The following SYNPR variants were observed in gnomAD, a reference collection of about 807,000 sequenced individuals.
SYNPR encodes the protein synaptoporin.
A neutral mutation model predicts 32.9 loss-of-function variants in SYNPR; 23 were observed. The observed-to-expected ratio is 0.70, with a 90% confidence interval of 0.50 to 0.99. The LOEUF (loss-of-function observed/expected upper bound fraction) is 0.99. Among genes scored for constraint, SYNPR ranks in the 50% least tolerant of loss-of-function variants. The probability of loss-of-function intolerance (pLI) is 0.00; values close to 1 mark genes in which losing one functional copy is unlikely to be tolerated. For synonymous variants in SYNPR, 146 were observed against 135.9 expected (o/e 1.07, Z -0.52); for missense variants, 318 against 349.3 (o/e 0.91, Z 0.71).
intron 4 of SYNPR, among the ~76,000 whole-genome samples, chr3:63,607,910 T>C (rs1700146850): frequency 6.6e-6 from 1 of 152,136 alleles, no homozygotes; most frequent in African/African-American, 2.4e-5. Context: ...GCAAGTCAGA[T>C]GCACTATGCC....
chr3:63,280,815 A>G (rs1251747255), intron 2 of SYNPR, among the ~76,000 whole-genome samples: 3 of 152,142 alleles, frequency 2.0e-5, no homozygotes, highest in African/African-American at 7.2e-5. Flanking sequence ...CTACATTTAA[A>G]TTATTTGCAG....
In SYNPR at chr3:63,563,333, G is replaced by A. The variant is rs79113986; in HGVS notation, c.408+6592G>A. Reference sequence around the variant, plus strand: ...TTCCCCAAACAAAATAAGGTTTCTTGTTTTGAACTACAGGCTGGGGCCATC... The same window carrying A: ...TTCCCCAAACAAAATAAGGTTTCTTATTTTGAACTACAGGCTGGGGCCATC... On this transcript the variant is annotated intron_variant, in intron 4 of 5. Transcript: ENST00000478300. Among the ~76,000 whole-genome samples the A allele has an allele frequency of 3.1e-3, 468 of 152,292 alleles. 1 individual carries two copies. The highest frequency in any genetic ancestry group is 5.0e-3 in the Non-Finnish European group (340 of 68,008).
chr3:63,572,002 C>T (rs1226754769), intron 4 of SYNPR, among the ~76,000 whole-genome samples: 1 of 152,146 alleles, frequency 6.6e-6, no homozygotes, highest in South Asian at 2.1e-4. Context: ...TCAGTAAGTG[C>T]TTATCAAAGG....
chr3:63,607,524 A>G (rs943523589), intron 4 of SYNPR, among the ~76,000 whole-genome samples: 6 of 152,338 alleles, frequency 3.9e-5, no homozygotes, highest in Non-Finnish European at 7.4e-5. Flanking sequence ...GGACATTTAA[A>G]AACCAAGGTG....
chr3:63,607,142 C>T (rs6806549), intron 4 of SYNPR, among the ~76,000 whole-genome samples: 6,549 of 152,016 alleles, frequency 0.043, 328 homozygotes, highest in African/African-American at 0.12. Flanking sequence ...TAATGAAAAC[C>T]ATCATACTAT....
At chr3:63,463,001 A>G (rs1253737607) in intron 2 of SYNPR, among the ~76,000 whole-genome samples, 2 of 152,180 alleles carry the variant, frequency 1.3e-5, no homozygotes, top group Admixed American at 6.5e-5. Context: ...CAGATGCACA[A>G]TTCAGCTGCC....
chr3:63,606,413 C>CTTTCTTTTT (rs1700120434), intron 4 of SYNPR, among the ~76,000 whole-genome samples: 1 of 63,458 alleles, frequency 1.6e-5, no homozygotes, highest in Non-Finnish European at 3.8e-5. Context: ...ACCTCAAATC[C>CTTTCTTTTT]TTTCTTTTTT....
chr3:63,384,834 T>C (rs911060876), intron 2 of SYNPR, among the ~76,000 whole-genome samples: 2 of 152,216 alleles, frequency 1.3e-5, no homozygotes, highest in African/African-American at 4.8e-5. Context: ...GATGTAGAGA[T>C]GTTACATAAC....
chr3:63,526,300 C>A (rs1702011527), intron 3 of SYNPR, among the ~76,000 whole-genome samples: 1 of 152,164 alleles, frequency 6.6e-6, no homozygotes, highest in African/African-American at 2.4e-5. Context: ...GCTGGAGTTG[C>A]CTAAGTATTC....
At position 63,463,538 on chromosome 3, in the gene SYNPR, A is replaced by G. The variant is rs115463468; in HGVS notation, c.85-17294A>G. On this transcript the variant is annotated intron_variant, in intron 2 of 5. Coordinates refer to ENST00000478300, the MANE Select transcript of SYNPR (RefSeq NM_001130003.2). ...AGTCCATCACCAGTTGTGTCACCTTATAAGTTGTGCTTCTCTGTCAGAGCA... is the reference window on the plus strand; with the variant it reads ...AGTCCATCACCAGTTGTGTCACCTTGTAAGTTGTGCTTCTCTGTCAGAGCA... 2.9e-3 allele frequency among the ~76,000 whole-genome samples: 449 copies of G among 152,282 alleles called. 1 individual carries two copies. The highest frequency in any genetic ancestry group is 0.01 in the African/African-American group (428 of 41,560).
At chr3:63,411,324 T>C (rs1430877383) in intron 2 of SYNPR, among the ~76,000 whole-genome samples, 1 of 152,142 alleles carries the variant, frequency 6.6e-6, no homozygotes, top group African/African-American at 2.4e-5. Flanking sequence ...TATGTCCTCT[T>C]AGATCTGTTT....
Position 63,381,928 on chromosome 3 carries a change from C to G in SYNPR, c.85-98904C>G, listed in dbSNP as rs193052373. ...GTTCCTTCAGGCATTTATTTACGCA[C>G]AACTTAACGAAATCTACTAGTGTCA... On this transcript the variant is annotated intron_variant, in intron 2 of 5. Coordinates refer to ENST00000478300, the MANE Select transcript of SYNPR (RefSeq NM_001130003.2). Among the ~76,000 whole-genome samples the G allele has an allele frequency of 9.9e-5, 15 of 152,236 alleles. 1 individual carries two copies. The highest frequency in any genetic ancestry group is 8.5e-4 in the Admixed American group (13 of 15,286).
chr3:63,474,282 C>T (rs940836483), intron 2 of SYNPR, among the ~76,000 whole-genome samples: 1 of 152,146 alleles, frequency 6.6e-6, no homozygotes, highest in Non-Finnish European at 1.5e-5. Context: ...GCCAAGCACA[C>T]GTATGCTAGC....
At chr3:63,224,173 G>T (rs1560161179), upstream of SYNPR, among the ~76,000 whole-genome samples, 1 of 152,156 alleles carries the variant, frequency 6.6e-6, no homozygotes, top group African/African-American at 2.4e-5. Context: ...TGAGTGGCAG[G>T]CAAGCCAGCA....
intron 4 of SYNPR, among the ~76,000 whole-genome samples, chr3:63,568,783 G>T (rs140168381): frequency 6.6e-6 from 1 of 152,254 alleles, no homozygotes; most frequent in East Asian, 1.9e-4. Context: ...CCTGAATTCA[G>T]CCACAGCTGA....
chr3:63,408,322 A>AGGAAGGAAAGAAAGAAAGAAAG (rs1291818189), intron 2 of SYNPR, among the ~76,000 whole-genome samples: 1 of 109,872 alleles, frequency 9.1e-6, no homozygotes, highest in East Asian at 3.0e-4. Context: ...GAAGGAAGGA[A>AGGAAGGAAAGAAAGAAAGAAAG]AGAAAGAAAG....
At chr3:63,209,238 A>G in the SYNPR span, among the ~76,000 whole-genome samples, 1 of 149,576 alleles carries the variant, frequency 6.7e-6, no homozygotes, top group Non-Finnish European at 1.5e-5. Context: ...GAATGGCATG[A>G]ACCCGGGGGG....
intron 2 of SYNPR, among the ~76,000 whole-genome samples, chr3:63,281,033 T>C (rs2106918329): frequency 6.6e-6 from 1 of 152,288 alleles, no homozygotes; most frequent in African/African-American, 2.4e-5. Context: ...CTGAAAAAGC[T>C]AGTAGTGAAC....
intron 4 of SYNPR, among the ~76,000 whole-genome samples, chr3:63,602,839 T>C (rs1700065565): frequency 6.6e-6 from 1 of 152,156 alleles, no homozygotes; most frequent in Admixed American, 6.6e-5. Flanking sequence ...GCTCATTTTT[T>C]CCATATTAAT....
Sources: allele counts gnomAD v4.1 joint callset (sites outside exome capture counted in the v4.1 genomes callset), GRCh38; gene constraint gnomAD v4.1.1; transcripts MANE v1.5; gene names NCBI Gene and HGNC (gene_info 2026-07-23, HGNC 2026-07-21).